Variants in FRMD6 observed in about 807,000 individuals in gnomAD.
FRMD6 encodes the protein FERM domain-containing protein 6.
FRMD6 carries 37 observed loss-of-function variants against 73.2 expected under a neutral mutation model. The observed-to-expected ratio is 0.51, with a 90% CI of 0.39 to 0.66. The LOEUF is 0.66. Among genes scored for constraint, FRMD6 ranks in the 30% least tolerant of loss-of-function variants. FRMD6 has a pLI of 0.00. For synonymous variants in FRMD6, 273 were observed against 282.2 expected, an observed-to-expected ratio of 0.97 and a Z score of 0.33; for missense variants, 714 against 780.5, an observed-to-expected ratio of 0.91 and a Z score of 1.02.
chr14:51,612,351 T>C (rs1263117098), intron 2 of FRMD6, among the ~76,000 whole-genome samples: 1 of 152,196 alleles, frequency 6.6e-6, no homozygotes, highest in Non-Finnish European at 1.5e-5. Context: ...ACTCCATCTC[T>C]CTGTACAAAA....
intron 1 of FRMD6, among the ~76,000 whole-genome samples, chr14:51,528,713 G>A (rs1220667721): frequency 6.6e-6 from 1 of 152,062 alleles, no homozygotes; most frequent in Non-Finnish European, 1.5e-5. Context: ...TTCTGACTTT[G>A]AATACAAAGA....
At position 51,517,483 on chromosome 14, in the gene FRMD6, T is replaced by C. The variant is rs113223380; in HGVS notation, c.-210+28063T>C. 1.3e-3 allele frequency among the ~76,000 whole-genome samples: 199 copies of C among 152,284 alleles called. 1 individual carries two copies. The highest frequency in any genetic ancestry group is 4.6e-3 in the African/African-American group (191 of 41,568). ...GCTATTATAGAAACCAATAAGAATC[T>C]AGAAATGTAGGTGTTTGAGTAAGAT... On this transcript the variant is annotated intron_variant, in intron 1 of 14. Coordinates refer to the FRMD6 transcript ENST00000356218.
intron 1 of FRMD6, among the ~76,000 whole-genome samples, chr14:51,552,892 C>G (rs1007047311): frequency 9.2e-5 from 14 of 152,144 alleles, no homozygotes; most frequent in African/African-American, 3.1e-4. Context: ...ACACGTTGCT[C>G]TCATGAGCCA....
intron 1 of FRMD6, among the ~76,000 whole-genome samples, chr14:51,657,936 C>G (rs1892950733): frequency 6.6e-6 from 1 of 152,190 alleles, no homozygotes; most frequent in African/African-American, 2.4e-5. Context: ...ATGATTCATA[C>G]AGAGTCTCAC....
chr14:51,398,629 T>C, the FRMD6 span, among the ~76,000 whole-genome samples: 2 of 151,992 alleles, frequency 1.3e-5, no homozygotes, highest in African/African-American at 4.8e-5. Flanking sequence ...TAATAAGAAG[T>C]CTCTAACAAC....
the FRMD6 span, among the ~76,000 whole-genome samples, chr14:51,402,168 C>T: frequency 6.6e-6 from 1 of 152,192 alleles, no homozygotes; most frequent in Admixed American, 6.5e-5. Context: ...TAAAAAGAAT[C>T]ATTATGGCCT....
chr14:51,509,073 A>G (rs771563777), intron 1 of FRMD6, among the ~76,000 whole-genome samples: 11 of 152,232 alleles, frequency 7.2e-5, no homozygotes, highest in Admixed American at 2.0e-4. Flanking sequence ...ACTGCTCACC[A>G]TCATTCAAAA....
chr14:51,660,360 G>C (rs140653931), intron 1 of FRMD6, among the ~76,000 whole-genome samples: 3 of 152,134 alleles, frequency 2.0e-5, no homozygotes, highest in African/African-American at 7.2e-5. Flanking sequence ...GATGTTCCCA[G>C]CCTTCCTGGG....
At chr14:51,462,784 A>G in the FRMD6 span, among the ~76,000 whole-genome samples, 1 of 149,478 alleles carries the variant, frequency 6.7e-6, no homozygotes, top group Non-Finnish European at 1.5e-5. Flanking sequence ...ATAAGGGAGG[A>G]AGAGAGAGAG....
At chr14:51,663,200 A>T (rs939152108) in intron 1 of FRMD6, among the ~76,000 whole-genome samples, 5 of 152,258 alleles carry the variant, frequency 3.3e-5, no homozygotes, top group African/African-American at 1.2e-4. Flanking sequence ...TGTGGAAGAC[A>T]GTGTGGTGAT....
intron 10 of FRMD6, among the ~76,000 whole-genome samples, chr14:51,719,756 A>G (rs112996209): frequency 0.016 from 2,405 of 152,312 alleles, 69 homozygotes; most frequent in African/African-American, 0.055. Context: ...TTATTTCACT[A>G]TGGACCAATA....
At chr14:51,486,074 A>G (rs1350924366), upstream of FRMD6, among the ~76,000 whole-genome samples, 11 of 146,274 alleles carry the variant, frequency 7.5e-5, no homozygotes, top group Admixed American at 7.7e-4. Context: ...TCGCACTGTC[A>G]CCCAGGCTGG....
chr14:51,691,228 C>T (rs536759287), intron 2 of FRMD6, among the ~76,000 whole-genome samples: 11 of 152,188 alleles, frequency 7.2e-5, no homozygotes, highest in South Asian at 2.1e-4. Context: ...TTCCATTGTA[C>T]GAATACACCC....
rs149044774 is a variant in FRMD6, at chr14:51,660,903, G to T, written c.-147+8907G>T. The stretch of plus-strand genomic sequence containing the variant: ...TGTTGCAGCAGAGGGACTAGTGAAG[G>T]CATCAGGCGGAAGCATGCCTGATGT... On this transcript the variant is annotated intron_variant, in intron 1 of 13. Transcript: ENST00000344768. Among the ~76,000 whole-genome samples the T allele has an allele frequency of 3.0e-4, 46 of 152,290 alleles. No individual in the cohort carries two copies. In the East Asian group the frequency reaches 6.7e-3, roughly 22 times the overall value.
At chr14:51,443,943 G>GTTTTTTTTTTTTT in the FRMD6 span, among the ~76,000 whole-genome samples, 2 of 140,724 alleles carry the variant, frequency 1.4e-5, no homozygotes. Context: ...CAAGTTGTGA[G>GTTTTTTTTTTTTT]TTTTTTTTTT....
intron 2 of FRMD6, among the ~76,000 whole-genome samples, chr14:51,571,557 G>T (rs2062090195): frequency 6.6e-6 from 1 of 152,092 alleles, no homozygotes; most frequent in South Asian, 2.1e-4. Context: ...AACTTAAAAA[G>T]AATACATATA....
chr14:51,662,756 C>T (rs549559026), intron 1 of FRMD6, among the ~76,000 whole-genome samples: 3 of 152,146 alleles, frequency 2.0e-5, no homozygotes, highest in Admixed American at 2.0e-4. Flanking sequence ...CTGATGAAGA[C>T]AGCAAAAGCA....
intron 1 of FRMD6, among the ~76,000 whole-genome samples, chr14:51,677,234 C>T (rs931118061): frequency 2.6e-5 from 4 of 152,032 alleles, no homozygotes; most frequent in African/African-American, 9.7e-5. Flanking sequence ...AGCAACTTCT[C>T]AAATATTTAG....
intron 1 of FRMD6, among the ~76,000 whole-genome samples, chr14:51,661,381 G>T (rs906772501): frequency 6.6e-6 from 1 of 152,112 alleles, no homozygotes; most frequent in African/African-American, 2.4e-5. Context: ...ACCCAATTAA[G>T]TGTCTCCATT....
Sources: allele counts gnomAD v4.1 joint callset (sites outside exome capture counted in the v4.1 genomes callset), GRCh38; gene constraint gnomAD v4.1.1; transcripts MANE v1.5; gene names NCBI Gene and HGNC (gene_info 2026-07-23, HGNC 2026-07-21).